DOCK9: variants seen among roughly 807,000 people sequenced by gnomAD.
DOCK9 encodes the protein dedicator of cytokinesis protein 9.
Under a neutral mutation model 263.3 loss-of-function variants are expected in DOCK9, and 89 were observed. The observed-to-expected ratio is 0.34, with a 90% CI of 0.28 to 0.40. DOCK9 has a LOEUF of 0.40. DOCK9 is among the 10% of genes least tolerant of loss of function. The pLI is 1.00. For missense variants in DOCK9, 2,140 were observed against 2,603.4 expected (o/e 0.82, Z 3.87); for synonymous variants, 976 against 973.1 (o/e 1.00, Z -0.06).
At chr13:98,845,185 TA>T in intron 38 of DOCK9, 2 of 471,534 alleles carry the variant, frequency 4.2e-6, no homozygotes, top group Non-Finnish European at 3.7e-6. Flanking sequence ...AAAAGTAAAT[TA>T]AAAATATGCT....
chr13:98,921,253 A>C (rs563164222), intron 6 of DOCK9, among the ~76,000 whole-genome samples, 165 bp from the exon 7 acceptor site: 4 of 152,250 alleles, frequency 2.6e-5, no homozygotes, highest in East Asian at 1.9e-4. Context: ...CCCATCTAAG[A>C]AGCTCACTGC....
At chr13:99,081,973 G>C (rs907877475) in intron 1 of DOCK9, among the ~76,000 whole-genome samples, 1 of 152,004 alleles carries the variant, frequency 6.6e-6, no homozygotes, top group African/African-American at 2.4e-5. Flanking sequence ...ATGCTGGCTC[G>C]CACCTGTAAT....
chr13:99,036,599 T>C, intron 1 of DOCK9, among the ~76,000 whole-genome samples: 1 of 152,224 alleles, frequency 6.6e-6, no homozygotes, highest in East Asian at 1.9e-4. Context: ...TGGAGTCCAG[T>C]GGAGTGATCT....
intron 1 of DOCK9, among the ~76,000 whole-genome samples, chr13:98,961,013 T>C (rs529295611): frequency 6.6e-6 from 1 of 151,970 alleles, no homozygotes; most frequent in African/African-American, 2.4e-5. Context: ...CCCTGGAGAG[T>C]GGTCATGTGG....
At chr13:98,920,561 C>T (rs2051785186) in intron 7 of DOCK9, among the ~76,000 whole-genome samples, 4 of 152,134 alleles carry the variant, frequency 2.6e-5, no homozygotes, top group South Asian at 4.1e-4. Context: ...TGATCTACAC[C>T]GCCACTGGTA....
chr13:98,846,120 C>T (rs1004587816), intron 37 of DOCK9, 60 bp from the exon 38 acceptor site: 146 of 1,532,540 alleles, frequency 9.5e-5, no homozygotes, highest in Non-Finnish European at 1.2e-4. Context: ...TGCAGCGAGA[C>T]GGGGAGTGTT....
chr13:99,049,075 C>T (rs1051228064), intron 1 of DOCK9, among the ~76,000 whole-genome samples: 1 of 152,204 alleles, frequency 6.6e-6, no homozygotes, highest in Non-Finnish European at 1.5e-5. Flanking sequence ...ATTGTACAGA[C>T]TTCAATCAAT....
chr13:98,853,711 A>G (rs1480243258), intron 34 of DOCK9, among the ~76,000 whole-genome samples, 189 bp from the exon 35 acceptor site: 1 of 152,156 alleles, frequency 6.6e-6, no homozygotes, highest in African/African-American at 2.4e-5. Flanking sequence ...GATGCTGCCC[A>G]TGGAAGCCCT....
intron 1 of DOCK9, among the ~76,000 whole-genome samples, chr13:99,007,091 C>CA (rs1370057201): frequency 6.6e-6 from 1 of 151,068 alleles, no homozygotes; most frequent in Non-Finnish European, 1.5e-5. Context: ...GACCCTGTCT[C>CA]AAAAAAATAA....
chr13:98,817,308 T>C (rs61297290), intron 45 of DOCK9, among the ~76,000 whole-genome samples: 1,734 of 152,270 alleles, frequency 0.011, 70 homozygotes, highest in Admixed American at 0.076. Flanking sequence ...CCTTCTGCCA[T>C]GATTGTAAGT....
chr13:98,979,299 A>T (rs1002641574), upstream of DOCK9, among the ~76,000 whole-genome samples: 2 of 152,106 alleles, frequency 1.3e-5, no homozygotes, highest in Non-Finnish European at 2.9e-5. Context: ...TCATGTAGCA[A>T]CAATAGGTGC....
intron 1 of DOCK9, among the ~76,000 whole-genome samples, chr13:98,988,256 A>G (rs924940701): frequency 6.6e-6 from 1 of 152,242 alleles, no homozygotes; most frequent in Admixed American, 6.5e-5. Flanking sequence ...CAAGAGCACT[A>G]AAAACTCAGT....
chr13:99,084,334 G>T (rs937929959), intron 1 of DOCK9, among the ~76,000 whole-genome samples: 2 of 152,206 alleles, frequency 1.3e-5, no homozygotes, highest in Non-Finnish European at 2.9e-5. Context: ...TCAGCCAGGG[G>T]CCCTCACATG....
chr13:98,876,538 AG>A (rs1237498769), intron 27 of DOCK9, among the ~76,000 whole-genome samples: 1 of 152,226 alleles, frequency 6.6e-6, no homozygotes, highest in Non-Finnish European at 1.5e-5. Context: ...AAAAACCCTA[AG>A]GGGATGAGAT....
chr13:98,904,826 G>A (rs2048843568), intron 9 of DOCK9, 120 bp from the exon 10 acceptor site: 2 of 791,802 alleles, frequency 2.5e-6, no homozygotes, highest in Non-Finnish European at 4.0e-6. Context: ...TCTGCCTCGT[G>A]TTGGAGAGCC....
chr13:98,880,599 G>A lies in DOCK9; in HGVS notation c.2819C>T (p.Thr940Ile). 6.2e-7 allele frequency: 1 copy of A among 1,613,916 alleles called. No individual in the cohort carries two copies. The highest frequency in any genetic ancestry group is 8.5e-7 in the Non-Finnish European group (1 of 1,179,864). ...ATCGGCAGAAGGCTTGAGAATCGTG[G>A]TCATGGATTTGGTCAGTTCTTCATG... ...TVHEELTKSM[T>I]TILKPSADFL... Residue 940 changes from threonine (T) to isoleucine (I), a missense_variant, in exon 26 of 53, where the codon ACC becomes ATC. Physicochemically the swap from Thr to Ile is moderately conservative, Grantham distance 89. Coordinates refer to ENST00000682017, the MANE Select transcript of DOCK9 (RefSeq NM_001366683.2).
chr13:99,023,481 C>T (rs1354488484), intron 1 of DOCK9, among the ~76,000 whole-genome samples: 1 of 152,052 alleles, frequency 6.6e-6, no homozygotes, highest in Non-Finnish European at 1.5e-5. Flanking sequence ...TGGGAGAAGG[C>T]AAATAAGGGG....
At chr13:99,039,284 C>G (rs920940104) in intron 1 of DOCK9, among the ~76,000 whole-genome samples, 4 of 151,860 alleles carry the variant, frequency 2.6e-5, no homozygotes, top group Non-Finnish European at 5.9e-5. Flanking sequence ...CATGGCATTC[C>G]AGCTCACAAA....
At position 98,881,940 on chromosome 13, in the gene DOCK9, C is replaced by G; in HGVS notation, c.2627G>C (p.Arg876Pro). Residue 876 changes from arginine to proline, a missense_variant, in exon 24 of 53, where the codon CGA (arginine) becomes CCA (proline). Around this residue, in one of 2 missense-constraint regions of DOCK9, gnomAD observed 1,521 missense variants for 1,741.7 expected, o/e 0.87. Coordinates refer to ENST00000682017, the MANE Select transcript of DOCK9 (RefSeq NM_001366683.2). ...FLPTILNQLF[R>P]VLTRATQEEV... ...TTCCTGTGTGGCTCTGGTGAGGACTCGGAACAGCTGGTTTAGGATAGTGGG... is the reference window on the plus strand; with the variant it reads ...TTCCTGTGTGGCTCTGGTGAGGACTGGGAACAGCTGGTTTAGGATAGTGGG... 6.3e-7 allele frequency: 1 copy of G among 1,599,254 alleles called. No individual in the cohort carries two copies. Among genetic ancestry groups the G allele is most frequent in the Non-Finnish European group, 8.5e-7 (1 of 1,173,024 alleles).
Sources: gnomAD v4.1 joint callset for allele counts (sites outside exome capture counted in the v4.1 genomes callset) on GRCh38, gnomAD v4.1.1 for gene constraint, gnomAD v4.1.1 regional missense constraint, MANE v1.5 for transcripts, NCBI Gene and HGNC (gene_info 2026-07-23, HGNC 2026-07-21) for gene names.